Variants in CSMD1 observed in about 807,000 individuals in gnomAD.
CSMD1 encodes CUB and sushi domain-containing protein 1.
Under a neutral mutation model 417.5 loss-of-function variants are expected in CSMD1, and 213 were observed. The observed-to-expected ratio is 0.51, with a 90% CI of 0.46 to 0.57. The LOEUF (loss-of-function observed/expected upper bound fraction) is 0.57. Ranked by LOEUF, CSMD1 falls within the 20% of genes least tolerant of loss-of-function variation. The pLI is 0.00. For missense variants in CSMD1, 6,923 were observed against 4,529.7 expected, an observed-to-expected ratio of 1.53 and a Z score of -15.17; for synonymous variants, 2,862 against 1,736.8, an observed-to-expected ratio of 1.65 and a Z score of -16.11.
At chr8:4,895,657 C>T (rs1253732025) in intron 1 of CSMD1, among the ~76,000 whole-genome samples, 2 of 151,524 alleles carry the variant, frequency 1.3e-5, no homozygotes, top group Non-Finnish European at 2.9e-5. Flanking sequence ...GATGAGGCTC[C>T]TTTTTCCAAA....
chr8:3,280,099 C>T lies in CSMD1; in HGVS notation c.4153+4045G>A, dbSNP rs905009589. ...GGTACCTGAAGAGAGAGGTACTAGG[C>T]CTCTGTGCCCTGACATGCCCTCCTG... On this transcript the variant is annotated intron_variant, in intron 26 of 69. Coordinates refer to ENST00000635120, the MANE Select transcript of CSMD1 (RefSeq NM_033225.6). 3.3e-5 allele frequency among the ~76,000 whole-genome samples: 5 copies of T among 152,234 alleles called. No homozygotes were observed. In the East Asian group the frequency reaches 9.7e-4, roughly 30 times the overall value.
At chr8:3,895,054 T>A (rs1210705164) in intron 5 of CSMD1, among the ~76,000 whole-genome samples, 1 of 152,156 alleles carries the variant, frequency 6.6e-6, no homozygotes, top group Non-Finnish European at 1.5e-5. Context: ...ATGGTATAGG[T>A]GGAGTACAGC....
intron 51 of CSMD1, among the ~76,000 whole-genome samples, chr8:3,025,026 C>A (rs958203635): frequency 4.1e-5 from 5 of 122,636 alleles, no homozygotes; most frequent in Admixed American, 1.6e-4. Flanking sequence ...GTGTATTGTG[C>A]GGTGTTATTC....
At chr8:2,942,049 A>G (rs1399426551) in intron 69 of CSMD1, among the ~76,000 whole-genome samples, 1 of 152,230 alleles carries the variant, frequency 6.6e-6, no homozygotes, top group Admixed American at 6.5e-5. Flanking sequence ...CAGAAAGGAC[A>G]ACAAAAAATC....
At chr8:4,147,088 A>C (rs1804182865) in intron 3 of CSMD1, among the ~76,000 whole-genome samples, 1 of 151,596 alleles carries the variant, frequency 6.6e-6, no homozygotes, top group African/African-American at 2.4e-5. Context: ...TCCTCACTCC[A>C]ATGACTGTTT....
At chr8:4,401,330 C>A (rs576807860) in intron 3 of CSMD1, among the ~76,000 whole-genome samples, 1 of 152,276 alleles carries the variant, frequency 6.6e-6, no homozygotes, top group African/African-American at 2.4e-5. Flanking sequence ...ATTAAGTGTG[C>A]TCCAATCAAA....
At chr8:3,618,355 T>A (rs920327561) in intron 7 of CSMD1, among the ~76,000 whole-genome samples, 3 of 152,206 alleles carry the variant, frequency 2.0e-5, no homozygotes, top group African/African-American at 4.8e-5. Context: ...AACATAATCC[T>A]TCATTAAATA....
At chr8:4,254,456 C>A (rs924396096) in intron 3 of CSMD1, among the ~76,000 whole-genome samples, 2 of 152,098 alleles carry the variant, frequency 1.3e-5, no homozygotes, top group East Asian at 1.9e-4. Context: ...GATCACTAAG[C>A]GACATTGCAG....
At chr8:3,224,293 C>G (rs1175727303) in intron 27 of CSMD1, among the ~76,000 whole-genome samples, 1 of 152,202 alleles carries the variant, frequency 6.6e-6, no homozygotes, top group Non-Finnish European at 1.5e-5. Flanking sequence ...CTATTTCTCA[C>G]AGTTTATAAA....
At chr8:3,438,276 C>T (rs908950815) in intron 12 of CSMD1, among the ~76,000 whole-genome samples, 2 of 152,160 alleles carry the variant, frequency 1.3e-5, no homozygotes, top group African/African-American at 4.8e-5. Context: ...GTGTAACCTT[C>T]GTGCAGCTTT....
At chr8:4,895,863 C>T (rs186067796) in intron 1 of CSMD1, among the ~76,000 whole-genome samples, 2 of 152,236 alleles carry the variant, frequency 1.3e-5, no homozygotes, top group Admixed American at 1.3e-4. Context: ...ATCTTCCTTT[C>T]ACTTGCCTTT....
chr8:3,849,062 A>C (rs1241399536), intron 5 of CSMD1, among the ~76,000 whole-genome samples: 1 of 152,088 alleles, frequency 6.6e-6, no homozygotes, highest in Non-Finnish European at 1.5e-5. Flanking sequence ...TTTGGCCCTC[A>C]ATATACAAGA....
chr8:3,640,443 G>A (rs575539763), intron 7 of CSMD1, among the ~76,000 whole-genome samples: 11 of 152,136 alleles, frequency 7.2e-5, no homozygotes, highest in South Asian at 6.2e-4. Context: ...CTATGTCCTC[G>A]GACTCCTTCC....
intron 7 of CSMD1, among the ~76,000 whole-genome samples, chr8:3,666,770 G>A (rs985946816): frequency 6.6e-6 from 1 of 152,170 alleles, no homozygotes; most frequent in African/African-American, 2.4e-5. Context: ...TGTAAGATGT[G>A]CCTTTAGCCT....
chr8:4,615,650 G>A (rs1434588816), intron 2 of CSMD1, among the ~76,000 whole-genome samples: 1 of 152,056 alleles, frequency 6.6e-6, no homozygotes, highest in Non-Finnish European at 1.5e-5. Context: ...ATATTTTTTT[G>A]TGAGTGTAAG....
At chr8:3,636,782 C>T (rs1464717409) in intron 7 of CSMD1, among the ~76,000 whole-genome samples, 1 of 152,140 alleles carries the variant, frequency 6.6e-6, no homozygotes, top group Non-Finnish European at 1.5e-5. Flanking sequence ...CTGACACTTC[C>T]ACACTTTGAG....
intron 8 of CSMD1, among the ~76,000 whole-genome samples, chr8:3,589,070 C>G (rs1299859469): frequency 6.6e-6 from 1 of 151,882 alleles, no homozygotes; most frequent in East Asian, 1.9e-4. Context: ...ATCAAAAAGA[C>G]AAAAAATAAT....
rs1608369 is a variant in CSMD1, at chr8:3,936,905, A to G, written c.818+60998T>C. On this transcript the variant is annotated intron_variant, in intron 5 of 69. Coordinates refer to ENST00000635120, the MANE Select transcript of CSMD1 (RefSeq NM_033225.6). ...CCTTTGGAAAGAATTCCCCATTCCA[A>G]TGATATTAAGAATGTTTGTGATTCA... 8.3e-3 allele frequency among the ~76,000 whole-genome samples: 1,258 copies of G among 152,272 alleles called. 37 individuals carry two copies. In the East Asian group the frequency reaches 0.089, roughly 11 times the overall value.
intron 2 of CSMD1, among the ~76,000 whole-genome samples, chr8:4,464,043 A>T (rs1049337402): frequency 4.0e-5 from 6 of 151,180 alleles, no homozygotes; most frequent in South Asian, 2.1e-4. Flanking sequence ...TTTACGAATT[A>T]AAAAAAAAGG....
Sources: allele counts gnomAD v4.1 joint callset (sites outside exome capture counted in the v4.1 genomes callset), GRCh38; gene constraint gnomAD v4.1.1; transcripts MANE v1.5; gene names NCBI Gene and HGNC (gene_info 2026-07-23, HGNC 2026-07-21).